COL24A1: variants seen among roughly 807,000 people sequenced by gnomAD.
COL24A1 encodes the protein collagen alpha-1(XXIV) chain.
A neutral mutation model predicts 253.9 loss-of-function variants in COL24A1; 224 were observed. The ratio of observed to expected loss-of-function variants is 0.88; its 90% CI spans 0.79 to 0.99. COL24A1 has a LOEUF of 0.99. Among genes scored for constraint, COL24A1 ranks in the 50% least tolerant of loss-of-function variants. The probability of loss-of-function intolerance (pLI) is 0.00; values close to 1 mark genes in which losing one functional copy is unlikely to be tolerated. For synonymous variants in COL24A1, 685 were observed against 673.7 expected (o/e 1.02, Z -0.26); for missense variants, 2,131 against 2,068.5 (o/e 1.03, Z -0.59).
At chr1:86,038,874 G>T (rs765856526) in intron 12 of COL24A1, among the ~76,000 whole-genome samples, 17 of 152,126 alleles carry the variant, frequency 1.1e-4, no homozygotes, top group Non-Finnish European at 2.4e-4. Flanking sequence ...CAAGCCTTCA[G>T]ATGACAGTAG....
At chr1:86,030,763 T>G (rs12746006) in intron 14 of COL24A1, among the ~76,000 whole-genome samples, 14,735 of 150,250 alleles carry the variant, frequency 0.098, 895 homozygotes, top group Middle Eastern at 0.13. Context: ...TTTTTTTTTT[T>G]TTGTTGTTGT....
Position 86,125,860 on chromosome 1 carries a change from T to C in COL24A1, c.476A>G (p.His159Arg), listed in dbSNP as rs750812008. The part of the protein sequence containing the change: ...KQPAVFNYSV[H>R]DEQWHSFAIT... Reference sequence around the variant, plus strand: ...GGCAAATGAGTGCCATTGCTCATCATGAACACTGTAGTTGAAAACTGCAGG... The same window carrying C: ...GGCAAATGAGTGCCATTGCTCATCACGAACACTGTAGTTGAAAACTGCAGG... The change falls in exon 3 of 60, where the codon CAT becomes CGT. Residue 159 changes from histidine (H) to arginine (R), a missense_variant. By Grantham distance (29) the His-to-Arg change is conservative (BLOSUM62 0). Coordinates refer to ENST00000370571, the MANE Select transcript of COL24A1 (RefSeq NM_152890.7). 2.5e-6 allele frequency: 4 copies of C among 1,613,352 alleles called. No homozygotes were observed. Among genetic ancestry groups the C allele is most frequent in the Non-Finnish European group, 3.4e-6 (4 of 1,179,724 alleles).
At chr1:85,762,489 T>G (rs1377154815) in intron 53 of COL24A1, among the ~76,000 whole-genome samples, 1 of 152,214 alleles carries the variant, frequency 6.6e-6, no homozygotes, top group Non-Finnish European at 1.5e-5. Context: ...AACTTGTACA[T>G]AATTAAATGA....
intron 45 of COL24A1, among the ~76,000 whole-genome samples, chr1:85,819,393 T>C (rs1673371301): frequency 6.6e-6 from 1 of 152,204 alleles, no homozygotes; most frequent in Non-Finnish European, 1.5e-5. Context: ...AATCAGTGTG[T>C]TTTTTCCTTT....
chr1:85,988,001 A>G (rs770515413), intron 19 of COL24A1, among the ~76,000 whole-genome samples: 6 of 151,944 alleles, frequency 3.9e-5, no homozygotes, highest in Non-Finnish European at 7.4e-5. Flanking sequence ...TAGGGCTACC[A>G]AAGATTAGGT....
rs370826075 is a variant in COL24A1, at chr1:86,063,726, G to A, written c.1741C>T (p.Pro581Ser). 5.5e-5 allele frequency: 86 copies of A among 1,551,022 alleles called. No individual in the cohort carries two copies. The highest frequency in any genetic ancestry group is 7.1e-5 in the Non-Finnish European group (81 of 1,148,100). ...LKGHPGLPGL[P>S]GEQGIPGFAG... ...AAGGAAGTACCTACTTGTTCACCTG[G>A]AAGTCCTGGGAGTCCAGGATGTCCT... The change falls in exon 8 of 60, where the codon CCA becomes TCA. Residue 581 changes from proline (P) to serine (S), a missense_variant. Coordinates refer to ENST00000370571, the MANE Select transcript of COL24A1 (RefSeq NM_152890.7).
intron 24 of COL24A1, among the ~76,000 whole-genome samples, chr1:85,927,636 GACAA>G (rs1476707837): frequency 2.2e-5 from 2 of 92,990 alleles, no homozygotes; most frequent in Admixed American, 1.2e-4. Flanking sequence ...GCAGGGCACA[GACAA>G]ACAAAAAGAC....
intron 24 of COL24A1, among the ~76,000 whole-genome samples, chr1:85,954,354 A>T (rs1690225139): frequency 1.3e-5 from 2 of 152,216 alleles, no homozygotes; most frequent in African/African-American, 4.8e-5. Context: ...TAACAGGATT[A>T]TACTTATTCA....
chr1:86,038,126 A>G (rs535260505), intron 12 of COL24A1, among the ~76,000 whole-genome samples: 26 of 152,270 alleles, frequency 1.7e-4, no homozygotes, highest in African/African-American at 6.0e-4. Context: ...TGTAAAGACA[A>G]ATTTAATAAT....
At chr1:85,949,448 G>A (rs1689685852) in intron 24 of COL24A1, among the ~76,000 whole-genome samples, 1 of 152,104 alleles carries the variant, frequency 6.6e-6, no homozygotes, top group African/African-American at 2.4e-5. Context: ...TATATACAGA[G>A]ATGGAAGTCT....
intron 32 of COL24A1, among the ~76,000 whole-genome samples, chr1:85,886,430 C>T (rs12094017): frequency 0.018 from 2,685 of 151,606 alleles, 69 homozygotes; most frequent in African/African-American, 0.061. Flanking sequence ...CTTTGGGAGG[C>T]AGAGGCGGGT....
At chr1:85,865,615 T>C (rs978517694) in intron 37 of COL24A1, among the ~76,000 whole-genome samples, 5 of 152,214 alleles carry the variant, frequency 3.3e-5, no homozygotes, top group African/African-American at 9.6e-5. Context: ...TGCTGTGGTA[T>C]TCTACGGTAT....
chr1:86,099,465 T>C (rs1378284374), intron 5 of COL24A1, among the ~76,000 whole-genome samples: 2 of 152,176 alleles, frequency 1.3e-5, no homozygotes, highest in Non-Finnish European at 2.9e-5. Context: ...TTAAAATGAT[T>C]AATGAAAAGT....
At chr1:85,834,752 A>C (rs1675807593) in intron 43 of COL24A1, among the ~76,000 whole-genome samples, 4 of 152,174 alleles carry the variant, frequency 2.6e-5, no homozygotes, top group African/African-American at 7.2e-5. Context: ...GTTTCCATTT[A>C]TACCTTTAAA....
intron 19 of COL24A1, among the ~76,000 whole-genome samples, chr1:85,988,590 A>G (rs568932509): frequency 3.9e-5 from 6 of 152,196 alleles, no homozygotes; most frequent in African/African-American, 1.4e-4. Context: ...TTAGTGAAGG[A>G]AAAAAGTAAA....
rs558058077 is a variant in COL24A1 at position 85,780,710 on chromosome 1, A to C, written c.4338+510T>G. Reference sequence around the variant, plus strand: ...TTGTAAGAATTTAAGGAACATTATTATTAAACATTTTCCCCTACTTCCTTC... The same window carrying C: ...TTGTAAGAATTTAAGGAACATTATTCTTAAACATTTTCCCCTACTTCCTTC... On this transcript the variant is annotated intron_variant, in intron 52 of 59. Transcript: ENST00000370571. Among the ~76,000 whole-genome samples, 16 of 152,344 alleles carry C rather than the reference A, an allele frequency of 1.1e-4. No homozygotes were observed. In the East Asian group the frequency reaches 3.1e-3, roughly 29 times the overall value.
At chr1:85,945,019 T>TTTTTTTTTTTTTTTTTTTTTTTTTGTTTG (rs1553237048) in intron 24 of COL24A1, among the ~76,000 whole-genome samples, 1 of 73,362 alleles carries the variant, frequency 1.4e-5, no homozygotes, top group Non-Finnish European at 2.7e-5. Context: ...TTTTTTTTTT[T>TTTTTTTTTTTTTTTTTTTTTTTTTGTTTG]TTTTTTTTTT....
chr1:85,825,220 A>G (rs1479085382), intron 43 of COL24A1, among the ~76,000 whole-genome samples: 1 of 151,880 alleles, frequency 6.6e-6, no homozygotes, highest in Non-Finnish European at 1.5e-5. Context: ...GATGATTTCC[A>G]ATTTCATCCA....
At chr1:85,918,445 G>T (rs925853739) in intron 24 of COL24A1, among the ~76,000 whole-genome samples, 3 of 152,054 alleles carry the variant, frequency 2.0e-5, no homozygotes, top group Admixed American at 2.0e-4. Flanking sequence ...ATCTTATGAT[G>T]ATTTGTCTGT....
Sources: allele counts gnomAD v4.1 joint callset (sites outside exome capture counted in the v4.1 genomes callset), GRCh38; gene constraint gnomAD v4.1.1; transcripts MANE v1.5; gene names NCBI Gene and HGNC (gene_info 2026-07-23, HGNC 2026-07-21).